Variants in TENM3 observed in about 807,000 individuals in gnomAD.
The protein encoded by TENM3 is teneurin transmembrane protein 3.
In TENM3, 63 loss-of-function variants were observed where a neutral mutation model predicts 255.1. The observed-to-expected ratio is 0.25, with a 90% confidence interval of 0.20 to 0.30. TENM3 has a LOEUF of 0.30. Among genes scored for constraint, TENM3 ranks in the 10% least tolerant of loss-of-function variants. The pLI is 1.00. For missense variants in TENM3, 2,929 were observed against 3,461.1 expected (o/e 0.85, Z 3.86); for synonymous variants, 1,306 against 1,322.3 (o/e 0.99, Z 0.27).
the TENM3 span, among the ~76,000 whole-genome samples, chr4:181,574,525 G>C: frequency 6.7e-6 from 1 of 149,358 alleles, no homozygotes; most frequent in Admixed American, 6.6e-5. Flanking sequence ...GCGACAGAGC[G>C]AGACTCCGTC....
chr4:181,847,163 G>T, the TENM3 span, among the ~76,000 whole-genome samples: 15 of 152,242 alleles, frequency 9.9e-5, no homozygotes, highest in African/African-American at 3.6e-4. Flanking sequence ...ATCTATTTTA[G>T]ATATGAAAAT....
intron 3 of TENM3, among the ~76,000 whole-genome samples, chr4:182,587,419 C>A (rs1480512656): frequency 2.0e-5 from 3 of 151,906 alleles, no homozygotes; most frequent in Non-Finnish European, 4.4e-5. Flanking sequence ...ATTGGCTGGG[C>A]TAAAAATACA....
chr4:181,804,084 AAAGG>A, the TENM3 span, among the ~76,000 whole-genome samples: 108 of 42,224 alleles, frequency 2.6e-3, no homozygotes, highest in African/African-American at 6.7e-3. Context: ...AGAAAGAAAG[AAAGG>A]AAGGGAGGGA....
At chr4:181,588,511 T>G in the TENM3 span, among the ~76,000 whole-genome samples, 1 of 152,116 alleles carries the variant, frequency 6.6e-6, no homozygotes, top group Non-Finnish European at 1.5e-5. Context: ...GGTCAACCAC[T>G]GTCATAGGGA....
At chr4:182,153,187 A>C (rs2149587858) in intron 1 of TENM3, among the ~76,000 whole-genome samples, 1 of 152,176 alleles carries the variant, frequency 6.6e-6, no homozygotes, top group East Asian at 1.9e-4. Flanking sequence ...CTGAAAAAGA[A>C]ATTAGATGAT....
chr4:181,838,628 T>A, the TENM3 span, among the ~76,000 whole-genome samples: 1 of 152,298 alleles, frequency 6.6e-6, no homozygotes, highest in South Asian at 2.1e-4. Context: ...CTTTCTCAAG[T>A]TAGTTTGATA....
intron 2 of TENM3, among the ~76,000 whole-genome samples, chr4:182,341,802 G>GA (rs1345314538): frequency 6.6e-6 from 1 of 152,036 alleles, no homozygotes; most frequent in South Asian, 2.1e-4. Context: ...AGAAGGCAAA[G>GA]AAAAAAATGA....
At chr4:181,750,334 G>C in the TENM3 span, among the ~76,000 whole-genome samples, 2 of 152,042 alleles carry the variant, frequency 1.3e-5, no homozygotes, top group African/African-American at 4.8e-5. Flanking sequence ...GAAAAAGTTA[G>C]GGAAAGCTAA....
chr4:182,335,413 T>C (rs559938169), intron 2 of TENM3, among the ~76,000 whole-genome samples: 1 of 129,408 alleles, frequency 7.7e-6, no homozygotes, highest in African/African-American at 2.8e-5. Context: ...GAGAATGGCG[T>C]GAACCCGGGA....
At position 182,207,845 on chromosome 4, in the gene TENM3, A is replaced by C. The variant is rs368518895; in HGVS notation, c.-76+63091A>C. Among the ~76,000 whole-genome samples, 14 of 152,312 alleles carry C rather than the reference A, an allele frequency of 9.2e-5. No homozygotes were observed. In the East Asian group the frequency reaches 2.5e-3, roughly 27 times the overall value. ...TTTTGTAATGTATTGTGTTCTACCA[A>C]AGCTCTGCCTTTGGTACCTTCTTTT... On this transcript the variant is annotated intron_variant, in intron 1 of 2. Coordinates refer to the TENM3 transcript ENST00000512480.
chr4:182,161,747 G>A (rs796195681), intron 1 of TENM3, among the ~76,000 whole-genome samples: 5 of 43,716 alleles, frequency 1.1e-4, no homozygotes, highest in African/African-American at 1.7e-4. Context: ...AAATATATGT[G>A]TATATATATA....
chr4:182,460,117 T>A (rs1774219465), intron 3 of TENM3, among the ~76,000 whole-genome samples: 1 of 152,120 alleles, frequency 6.6e-6, no homozygotes, highest in African/African-American at 2.4e-5. Context: ...CTCTGCAGTG[T>A]GAAAGTGAAA....
In TENM3 at chr4:182,754,678, A is replaced by T. The variant is rs1762603117; in HGVS notation, c.4311A>T (p.Glu1437Asp). The T allele has an allele frequency of 6.2e-7, 1 of 1,613,944 alleles. No homozygotes were observed. The highest frequency in any genetic ancestry group is 1.3e-5 in the African/African-American group (1 of 74,946). The change falls in exon 22 of 28, where the codon GAA becomes GAT. Residue 1437 changes from glutamate to aspartate, a missense_variant. This residue lies in a region of TENM3 where 1,608 missense variants were observed against 1,884.4 expected (regional missense o/e 0.85). Transcript: ENST00000511685. The surrounding 1 kb of genome is among the most constrained non-coding windows in gnomAD (Gnocchi z 5.1). Reference sequence around the variant, plus strand: ...TAAGGCAGGTCACAACAGATGGAGAAATCTCCTTAGTGGCCGGAATACCTT... The same window carrying T: ...TAAGGCAGGTCACAACAGATGGAGATATCTCCTTAGTGGCCGGAATACCTT... ...NRIRQVTTDGEISLVAGIPSE... is the reference protein window; with the variant it reads ...NRIRQVTTDGDISLVAGIPSE...
the TENM3 span, among the ~76,000 whole-genome samples, chr4:181,761,946 T>C: frequency 1.3e-5 from 2 of 152,222 alleles, no homozygotes. Context: ...ATAATGATTC[T>C]TTATAATAAT....
chr4:182,105,098 A>C, the TENM3 span, among the ~76,000 whole-genome samples: 1 of 152,148 alleles, frequency 6.6e-6, no homozygotes, highest in Admixed American at 6.6e-5. Flanking sequence ...CAATAGTCCC[A>C]GCTACTCCGG....
the TENM3 span, among the ~76,000 whole-genome samples, chr4:181,634,254 G>T: frequency 6.6e-6 from 1 of 152,086 alleles, no homozygotes; most frequent in African/African-American, 2.4e-5. Context: ...CTCCTTGAAA[G>T]TTCGCCCTGT....
chr4:181,681,479 A>G, the TENM3 span, among the ~76,000 whole-genome samples: 5 of 152,184 alleles, frequency 3.3e-5, no homozygotes, highest in African/African-American at 1.2e-4. Flanking sequence ...TTTCCTGAGT[A>G]CTGTTTTTGC....
At chr4:182,456,283 G>A (rs1271296657) in intron 3 of TENM3, among the ~76,000 whole-genome samples, 1 of 152,138 alleles carries the variant, frequency 6.6e-6, no homozygotes, top group African/African-American at 2.4e-5. Context: ...AACAACACAG[G>A]TTATTTTGTT....
At chr4:182,079,854 T>G in the TENM3 span, 1 of 152,330 alleles carries the variant, frequency 6.6e-6, no homozygotes, top group African/African-American at 2.4e-5. Flanking sequence ...AGTAAAGATG[T>G]CACTTCACCT....
Sources: allele counts gnomAD v4.1 joint callset (sites outside exome capture counted in the v4.1 genomes callset), GRCh38; gene constraint gnomAD v4.1.1; regional missense constraint gnomAD v4.1.1; non-coding constraint Gnocchi (gnomAD v3.1); transcripts MANE v1.5; gene names NCBI Gene and HGNC (gene_info 2026-07-23, HGNC 2026-07-21).